FAM220A: variants seen among roughly 807,000 people sequenced by gnomAD.
FAM220A encodes protein FAM220A.
For synonymous variants in FAM220A, 141 were observed against 130.7 expected (o/e 1.08, Z -0.54); for missense variants, 392 against 321.6 (o/e 1.22, Z -1.68).
chr7:6,336,658 T>C (rs1781753327), intron 1 of FAM220A, among the ~76,000 whole-genome samples: 1 of 148,874 alleles, frequency 6.7e-6, no homozygotes, highest in East Asian at 2.0e-4. Flanking sequence ...TACTCCAGCC[T>C]GAGAGAGCGA....
At chr7:6,337,595 TC>T (rs1781772378) in intron 1 of FAM220A, among the ~76,000 whole-genome samples, 1 of 151,686 alleles carries the variant, frequency 6.6e-6, no homozygotes, top group African/African-American at 2.4e-5. Context: ...TTATTTTTTT[TC>T]ATTTCCTTAG....
rs142051673 is a variant in FAM220A at position 6,330,678 on chromosome 7, T to C, written c.477A>G (p.Gln159=). Residue 159 remains glutamine (Q), a synonymous_variant, in exon 2 of 2, where the codon CAA becomes CAG. Transcript: ENST00000313324. ...EPRVSRLPRH[Q]KVPEMGSFQD... is the part of the protein sequence containing the mutation. Reference sequence around the variant, plus strand: ...GAAAACTTCCCATTTCCGGCACTTTTTGATGGCGTGGCAGTCGTGACACCC... The same window carrying C: ...GAAAACTTCCCATTTCCGGCACTTTCTGATGGCGTGGCAGTCGTGACACCC... 5.2e-5 allele frequency: 84 copies of C among 1,613,984 alleles called. No homozygotes were observed. The highest frequency in any genetic ancestry group is 6.7e-5 in the Non-Finnish European group (79 of 1,180,032).
rs373361459 is a variant in FAM220A at position 6,331,173 on chromosome 7, C to A, written c.-19G>T. The A allele has an allele frequency of 6.2e-7, 1 of 1,601,784 alleles. No homozygotes were observed. Among genetic ancestry groups the A allele is most frequent in the South Asian group, 1.1e-5 (1 of 89,466 alleles). On this transcript the variant is annotated 5_prime_UTR_variant, in exon 2 of 2. Transcript: ENST00000313324. ...CCCTCATGCTTCGTGTTCTTGGATG[C>A]GGTGGGCCTGAGGTCACGCCTTCGT...
chr7:6,332,992 C>T (rs187877649), intron 1 of FAM220A, among the ~76,000 whole-genome samples: 7 of 152,038 alleles, frequency 4.6e-5, no homozygotes, highest in African/African-American at 7.2e-5. Flanking sequence ...AACCCTGTCT[C>T]TATCAAAAAT....
rs1408409454 is a variant in FAM220A at position 6,329,598 on chromosome 7, T to TA, written c.*776dup. On this transcript the variant is annotated 3_prime_UTR_variant, in exon 2 of 2. Transcript: ENST00000313324. ...ACTTATGTCCTTAAATGACCTTTAT[T>TA]AAAGTTATCAACAGACGACAACAGG... The TA allele has an allele frequency of 3.8e-5, 6 of 158,150 alleles. No homozygotes were observed. The highest frequency in any genetic ancestry group is 1.4e-4 in the African/African-American group (6 of 41,448). The allele number at this position is 158,150 out of a possible 1,614,324, so 9.8% of individuals were successfully genotyped here. A position where few individuals can be genotyped will look rare whatever the true frequency, so the allele number is the denominator to read the frequency against.
At chr7:6,348,080 C>T (rs1781990427) in intron 1 of FAM220A, among the ~76,000 whole-genome samples, 3 of 151,088 alleles carry the variant, frequency 2.0e-5, no homozygotes, top group Non-Finnish European at 2.9e-5. Flanking sequence ...CCGGCTAATT[C>T]TGTATTTTTA....
chr7:6,338,001 A>C (rs1003549640), intron 1 of FAM220A, among the ~76,000 whole-genome samples: 2 of 151,800 alleles, frequency 1.3e-5, no homozygotes, highest in African/African-American at 4.9e-5. Context: ...ACATGGTTTC[A>C]CCATGTTGGC....
At chr7:6,346,516 G>A (rs1003184862) in intron 1 of FAM220A, among the ~76,000 whole-genome samples, 9 of 152,144 alleles carry the variant, frequency 5.9e-5, no homozygotes, top group South Asian at 2.1e-4. Flanking sequence ...ACAGGTGCAC[G>A]CCACCACTGC....
intron 1 of FAM220A, among the ~76,000 whole-genome samples, chr7:6,332,135 G>A (rs1207658781): frequency 5.3e-5 from 8 of 149,704 alleles, no homozygotes; most frequent in Admixed American, 6.7e-5. Flanking sequence ...AAAAAATTGC[G>A]AAAAGGCTTT....
rs370599325 is a variant in FAM220A at position 6,330,484 on chromosome 7, G to C, written c.671C>G (p.Thr224Arg). Residue 224 changes from threonine to arginine, a missense_variant, in exon 2 of 2, where the codon ACA becomes AGA. Coordinates refer to ENST00000313324, the MANE Select transcript of FAM220A (RefSeq NM_001037163.2). ...DRLKPMFSKQ[T>R]IEFKKMLKST... ...TTTAAGCATTTTCTTGAATTCTATT[G>C]TTTGCTTTGAAAACATGGGCTTTAA... The C allele has an allele frequency of 6.2e-7, 1 of 1,614,128 alleles. No homozygotes were observed. The highest frequency in any genetic ancestry group is 1.7e-5 in the Admixed American group (1 of 59,968).
chr7:6,345,130 A>G (rs956542476), intron 1 of FAM220A, among the ~76,000 whole-genome samples: 1 of 143,254 alleles, frequency 7.0e-6, no homozygotes, highest in Non-Finnish European at 1.5e-5. Flanking sequence ...TTGTTGTTTA[A>G]TTTTAGAGAC....
chr7:6,330,098 A>T lies in FAM220A; in HGVS notation c.*277T>A. The stretch of plus-strand genomic sequence containing the variant: ...AGACAGAACTTCATGGTAAATCCGT[A>T]TGTTCTAATCTGGTATTTATACAGG... On this transcript the variant is annotated 3_prime_UTR_variant, in exon 2 of 2. Transcript: ENST00000313324. 2.5e-6 allele frequency: 1 copy of T among 393,822 alleles called. No homozygotes were observed. Among genetic ancestry groups the T allele is most frequent in the Non-Finnish European group, 4.7e-6 (1 of 211,572 alleles). The allele number at this position is 393,822 out of a possible 1,614,324, so 24.4% of individuals were successfully genotyped here.
At chr7:6,340,146 A>G (rs1467552096) in intron 1 of FAM220A, among the ~76,000 whole-genome samples, 1 of 151,946 alleles carries the variant, frequency 6.6e-6, no homozygotes, top group Non-Finnish European at 1.5e-5. Flanking sequence ...CGGCCTCCCA[A>G]AGTGCTGGGA....
intron 1 of FAM220A, among the ~76,000 whole-genome samples, chr7:6,334,048 A>T (rs9771266): frequency 6.0e-5 from 9 of 149,720 alleles, no homozygotes; most frequent in Non-Finnish European, 1.0e-4. Context: ...GGGTTTCACC[A>T]TGTTAGCCAG....
intron 1 of FAM220A, among the ~76,000 whole-genome samples, chr7:6,336,898 C>T (rs954016793): frequency 6.6e-6 from 1 of 152,100 alleles, no homozygotes; most frequent in Non-Finnish European, 1.5e-5. Context: ...AAGTGATCCG[C>T]CCACCTCAGC....
chr7:6,344,914 G>T (rs911729412), intron 1 of FAM220A, among the ~76,000 whole-genome samples: 7 of 151,188 alleles, frequency 4.6e-5, no homozygotes, highest in East Asian at 2.0e-4. Flanking sequence ...GCTAATTTTT[G>T]TATTTTAGTA....
At chr7:6,344,148 G>GAA (rs559497571) in intron 1 of FAM220A, among the ~76,000 whole-genome samples, 8 of 120,164 alleles carry the variant, frequency 6.7e-5, no homozygotes, top group East Asian at 4.7e-4. Context: ...TGAAGAACAA[G>GAA]AAAAAAAAAA....
chr7:6,339,592 C>T (rs1420450379), intron 1 of FAM220A, among the ~76,000 whole-genome samples: 1 of 151,364 alleles, frequency 6.6e-6, no homozygotes, highest in Non-Finnish European at 1.5e-5. Context: ...CACGCCATTC[C>T]GCTGCCTCAG....
chr7:6,348,930 C>A lies in FAM220A; in HGVS notation c.-439G>T, dbSNP rs983300737. The A allele has an allele frequency of 1.0e-5, 4 of 382,776 alleles. No homozygotes were observed. The highest frequency in any genetic ancestry group is 3.8e-5 in the East Asian group (1 of 26,478). The allele number at this position is 382,776 out of a possible 1,614,324, so 23.7% of individuals were successfully genotyped here. A position where few individuals can be genotyped will look rare whatever the true frequency, so the allele number is the denominator to read the frequency against. Reference sequence around the variant, plus strand: ...CACGTCACGCTCGGAGAAGTGCCTCCGCGAGCAGCCGCCTGTACCAGCCTG... The same window carrying A: ...CACGTCACGCTCGGAGAAGTGCCTCAGCGAGCAGCCGCCTGTACCAGCCTG... On this transcript the variant is annotated 5_prime_UTR_variant, in exon 1 of 2. Coordinates refer to ENST00000313324, the MANE Select transcript of FAM220A (RefSeq NM_001037163.2).
Sources: allele counts gnomAD v4.1 joint callset (sites outside exome capture counted in the v4.1 genomes callset), GRCh38; gene constraint gnomAD v4.1.1; transcripts MANE v1.5; gene names NCBI Gene and HGNC (gene_info 2026-07-23, HGNC 2026-07-21).